The following SGCZ variants were observed in gnomAD, a reference collection of about 807,000 sequenced individuals.
SGCZ encodes sarcoglycan zeta, also known as zeta-sarcoglycan.
In SGCZ, 40 loss-of-function variants were observed where a neutral mutation model predicts 41.3. The ratio of observed to expected loss-of-function variants is 0.97; its 90% confidence interval spans 0.75 to 1.26. SGCZ has a LOEUF of 1.26. SGCZ is among the 50% of genes most tolerant of loss of function. The pLI is 0.00. For missense variants in SGCZ, 552 were observed against 369.8 expected, an observed-to-expected ratio of 1.49 and a Z score of -4.04; for synonymous variants, 206 against 137.5, an observed-to-expected ratio of 1.50 and a Z score of -3.49.
At chr8:14,191,922 G>C (rs1179641742) in intron 4 of SGCZ, among the ~76,000 whole-genome samples, 1 of 151,806 alleles carries the variant, frequency 6.6e-6, no homozygotes, top group African/African-American at 2.4e-5. Flanking sequence ...TAAAAAAAAA[G>C]TAAAATACTG....
At chr8:14,428,681 A>G (rs1903600) in intron 2 of SGCZ, among the ~76,000 whole-genome samples, 137,210 of 152,224 alleles carry the variant, frequency 0.9, 62,138 homozygotes, top group Non-Finnish European at 0.94. Flanking sequence ...ACGTGCATCC[A>G]ACCAACTGAT....
intron 1 of SGCZ, among the ~76,000 whole-genome samples, chr8:14,558,614 A>AGAGAGAG (rs1214772308): frequency 4.1e-5 from 2 of 49,304 alleles, no homozygotes; most frequent in Non-Finnish European, 4.7e-5. Flanking sequence ...GAGAGAGAGA[A>AGAGAGAG]TCTTCCATAA....
intron 1 of SGCZ, among the ~76,000 whole-genome samples, chr8:15,189,756 G>T (rs554462141): frequency 6.6e-6 from 1 of 152,158 alleles, no homozygotes; most frequent in Non-Finnish European, 1.5e-5. Flanking sequence ...TTACCATGTT[G>T]CCCAGGCTGG....
At chr8:14,309,258 A>G (rs894562237) in intron 3 of SGCZ, 20 of 1,530,846 alleles carry the variant, frequency 1.3e-5, no homozygotes, top group African/African-American at 1.4e-5. Context: ...AACCATATCC[A>G]GTTGTCTAGT....
At chr8:14,958,221 A>G (rs1414025253) in intron 1 of SGCZ, among the ~76,000 whole-genome samples, 1 of 152,038 alleles carries the variant, frequency 6.6e-6, no homozygotes, top group Non-Finnish European at 1.5e-5. Context: ...TGAGTAAAAA[A>G]GGGACCCAAG....
intron 3 of SGCZ, among the ~76,000 whole-genome samples, chr8:14,323,349 TC>T (rs1452875350): frequency 1.3e-5 from 2 of 152,096 alleles, no homozygotes; most frequent in African/African-American, 2.4e-5. Context: ...TAACCTTTTT[TC>T]CCACTTTTAT....
intron 1 of SGCZ, among the ~76,000 whole-genome samples, chr8:15,157,886 T>C (rs1799380612): frequency 6.6e-6 from 1 of 152,208 alleles, no homozygotes. Context: ...CAAAGAAACG[T>C]AGAGACCATC....
intron 1 of SGCZ, among the ~76,000 whole-genome samples, chr8:15,235,228 G>C (rs1394534322): frequency 6.6e-6 from 1 of 152,136 alleles, no homozygotes; most frequent in Non-Finnish European, 1.5e-5. Flanking sequence ...CACGCGCACT[G>C]CATCCATCTC....
intron 1 of SGCZ, among the ~76,000 whole-genome samples, chr8:15,079,568 A>G (rs530057776): frequency 1.2e-3 from 186 of 152,274 alleles, no homozygotes; most frequent in African/African-American, 4.4e-3. Context: ...AACTGCAATT[A>G]TTGTCTGTTA....
chr8:14,244,887 C>G (rs1799031413), intron 3 of SGCZ, among the ~76,000 whole-genome samples: 1 of 151,954 alleles, frequency 6.6e-6, no homozygotes, highest in African/African-American at 2.4e-5. Context: ...TGATTTGGCT[C>G]TCTGTTTGTC....
At chr8:14,132,582 T>G (rs1803075371) in intron 5 of SGCZ, among the ~76,000 whole-genome samples, 1 of 152,246 alleles carries the variant, frequency 6.6e-6, no homozygotes, top group African/African-American at 2.4e-5. Flanking sequence ...TTCATGTTCC[T>G]TAGTTTTTGT....
At chr8:14,901,223 G>C (rs113743149) in intron 1 of SGCZ, among the ~76,000 whole-genome samples, 3 of 152,088 alleles carry the variant, frequency 2.0e-5, no homozygotes, top group African/African-American at 7.2e-5. Flanking sequence ...CCCTAAATTA[G>C]GTGAGCACAC....
intron 1 of SGCZ, among the ~76,000 whole-genome samples, chr8:15,056,712 G>C (rs553434515): frequency 6.6e-6 from 1 of 152,206 alleles, no homozygotes; most frequent in South Asian, 2.1e-4. Flanking sequence ...GGTTGTATAT[G>C]CATGTTTAAC....
chr8:14,193,431 G>A (rs1406889486), intron 4 of SGCZ, among the ~76,000 whole-genome samples: 2 of 151,786 alleles, frequency 1.3e-5, no homozygotes, highest in African/African-American at 4.8e-5. Context: ...TGTAACTGTG[G>A]CAACATTAAA....
At chr8:15,004,221 C>T (rs573781646) in intron 1 of SGCZ, among the ~76,000 whole-genome samples, 3 of 152,212 alleles carry the variant, frequency 2.0e-5, no homozygotes, top group East Asian at 1.9e-4. Flanking sequence ...CTAAGAGATA[C>T]GCAGGTGCAC....
chr8:14,706,815 ACT>A (rs1338147291), intron 1 of SGCZ, among the ~76,000 whole-genome samples: 2 of 151,934 alleles, frequency 1.3e-5, no homozygotes, highest in Non-Finnish European at 2.9e-5. Context: ...CCAGCACATG[ACT>A]CTCATGTGCT....
chr8:14,997,273 A>G (rs1037389391), intron 1 of SGCZ, among the ~76,000 whole-genome samples: 2 of 152,190 alleles, frequency 1.3e-5, no homozygotes, highest in Non-Finnish European at 2.9e-5. Flanking sequence ...CAATTATGGA[A>G]TGTTATTTCT....
chr8:15,151,760 C>G (rs900824052), intron 1 of SGCZ, among the ~76,000 whole-genome samples: 2 of 152,100 alleles, frequency 1.3e-5, no homozygotes, highest in Non-Finnish European at 1.5e-5. Context: ...AAGACTTAAG[C>G]ACTGAATAAA....
At chr8:14,360,042 C>T (rs913753191) in intron 2 of SGCZ, among the ~76,000 whole-genome samples, 1 of 152,038 alleles carries the variant, frequency 6.6e-6, no homozygotes, top group African/African-American at 2.4e-5. Flanking sequence ...GCTGAAAAAG[C>T]ATTTGATAAA....
Sources: allele counts gnomAD v4.1 joint callset (sites outside exome capture counted in the v4.1 genomes callset), GRCh38; gene constraint gnomAD v4.1.1; transcripts MANE v1.5; gene names NCBI Gene and HGNC (gene_info 2026-07-23, HGNC 2026-07-21).